PIEZO2: variants seen among roughly 807,000 people sequenced by gnomAD.
PIEZO2 encodes piezo-type mechanosensitive ion channel component 2.
Under a neutral mutation model 337.3 loss-of-function variants are expected in PIEZO2, and 172 were observed. The observed-to-expected ratio is 0.51, with a 90% CI of 0.45 to 0.58. The LOEUF (loss-of-function observed/expected upper bound fraction) is 0.58. Ranked by LOEUF, PIEZO2 falls within the 20% of genes least tolerant of loss-of-function variation. The pLI is 0.00. For synonymous variants in PIEZO2, 1,251 were observed against 1,228.5 expected (o/e 1.02, Z -0.38); for missense variants, 3,028 against 3,391.3 (o/e 0.89, Z 2.66).
intron 5 of PIEZO2, among the ~76,000 whole-genome samples, chr18:10,860,874 A>G (rs1289761989): frequency 6.6e-6 from 1 of 152,212 alleles, no homozygotes; most frequent in East Asian, 1.9e-4. Context: ...TGTGATTTTT[A>G]TAAACATACC....
intron 4 of PIEZO2, among the ~76,000 whole-genome samples, chr18:10,901,549 G>A (rs895309548): frequency 2.0e-5 from 3 of 152,090 alleles, no homozygotes; most frequent in East Asian, 1.9e-4. Flanking sequence ...GGATGGTGGC[G>A]TTCAGAGTTC....
intron 35 of PIEZO2, among the ~76,000 whole-genome samples, chr18:10,732,006 G>C (rs575852362): frequency 1.0e-3 from 154 of 152,302 alleles, no homozygotes; most frequent in African/African-American, 3.5e-3. Flanking sequence ...AATGACTTGA[G>C]AAAGGGATTT....
intron 21 of PIEZO2, among the ~76,000 whole-genome samples, chr18:10,764,387 A>G (rs923747022): frequency 2.0e-5 from 3 of 152,154 alleles, no homozygotes; most frequent in Non-Finnish European, 4.4e-5. Context: ...CACGCCTGTA[A>G]TCCTAGCACT....
Position 10,705,737 on chromosome 18 carries a change from C to G in PIEZO2, c.5598G>C (p.Thr1866=), listed in dbSNP as rs78023192. 638 of 1,525,184 alleles carry G rather than the reference C, an allele frequency of 4.2e-4. 3 individuals carry two copies. In the African/African-American group the frequency reaches 7.4e-3, roughly 18 times the overall value. 94.5% of individuals were successfully genotyped at this position (1,525,184 alleles called of 1,614,324 possible). The change falls in exon 41 of 56, where the codon ACG becomes ACC. Residue 1866 remains threonine, a synonymous_variant. Coordinates refer to ENST00000674853, the MANE Select transcript of PIEZO2 (RefSeq NM_001378183.1). The part of the protein sequence containing the change: ...DSGSLASSEP[T]QCTMLYSRQG... The stretch of plus-strand genomic sequence containing the variant: ...GGCGTGAGTACAGCATGGTACACTG[C>G]GTGGGCTCGCTGTTGGGAGAAAGCG...
intron 33 of PIEZO2, 52 bp downstream of exon 33, chr18:10,740,979 A>C: frequency 1.3e-6 from 2 of 1,503,928 alleles, no homozygotes; most frequent in East Asian, 2.5e-5. Flanking sequence ...ATTCTGGTCA[A>C]GGATATAAGG....
intron 32 of PIEZO2, 125 bp downstream of exon 32, chr18:10,742,369 C>T (rs2144167056): frequency 1.8e-6 from 2 of 1,122,428 alleles, no homozygotes; most frequent in Admixed American, 5.2e-5. Context: ...ATAAAGCTCG[C>T]TGAATCAAAA....
In PIEZO2 at chr18:10,784,193, T is replaced by C. The variant is rs1321051626; in HGVS notation, c.2492+591A>G. Among the ~76,000 whole-genome samples the C allele has an allele frequency of 6.6e-6, 1 of 152,210 alleles. No individual in the cohort carries two copies. Among genetic ancestry groups the C allele is most frequent in the Non-Finnish European group, 1.5e-5 (1 of 68,038 alleles). ...GAATAAATACGGGCAGGAAAAGTAA[T>C]ATCCCATCTGTTATTTGCAAACAAT... is the stretch of plus-strand genomic sequence containing the variant. On this transcript the variant is annotated intron_variant, in intron 17 of 55. Coordinates refer to ENST00000674853, the MANE Select transcript of PIEZO2 (RefSeq NM_001378183.1). This position sits in a 1 kb window ranked among gnomAD's most constrained non-coding sequence, Gnocchi z 4.5.
intron 1 of PIEZO2, among the ~76,000 whole-genome samples, chr18:11,082,615 T>C (rs1396691185): frequency 1.3e-5 from 2 of 152,152 alleles, no homozygotes; most frequent in African/African-American, 4.8e-5. Flanking sequence ...TCACATATTT[T>C]TAAAACTTGG....
rs978329502 is a variant in PIEZO2 at position 10,775,021 on chromosome 18, A to G, written c.2535-983T>C. Among the ~76,000 whole-genome samples the G allele has an allele frequency of 2.0e-5, 3 of 152,218 alleles. No homozygotes were observed. Among genetic ancestry groups the G allele is most frequent in the Non-Finnish European group, 1.5e-5 (1 of 68,038 alleles). On this transcript the variant is annotated intron_variant, in intron 18 of 55. Coordinates refer to ENST00000674853, the MANE Select transcript of PIEZO2 (RefSeq NM_001378183.1). The surrounding 1 kb of genome is among the most constrained non-coding windows in gnomAD (Gnocchi z 4.3). ...GCCTATCATTTTGGGTAACTGTCGT[A>G]AGGAATCCACATTGTCCCTACGCTT...
In PIEZO2 at chr18:10,870,493, A is replaced by C. The variant is rs1167850908; in HGVS notation, c.492+760T>G. ...TTATAAATGTTATCTTTCCACTAAT[A>C]AATCAATTACTCTTTAAACTGATGT... is the stretch of plus-strand genomic sequence containing the variant. On this transcript the variant is annotated intron_variant, in intron 5 of 55. Coordinates refer to ENST00000674853, the MANE Select transcript of PIEZO2 (RefSeq NM_001378183.1). The surrounding 1 kb of genome is among the most constrained non-coding windows in gnomAD (Gnocchi z 5.3). Among the ~76,000 whole-genome samples the C allele has an allele frequency of 6.6e-6, 1 of 152,198 alleles. No homozygotes were observed. Among genetic ancestry groups the C allele is most frequent in the Non-Finnish European group, 1.5e-5 (1 of 68,038 alleles).
In PIEZO2 at chr18:10,824,560, A is replaced by G. The variant is rs2040613525; in HGVS notation, c.918-17286T>C. Among the ~76,000 whole-genome samples, 1 of 152,210 alleles carries G rather than the reference A, an allele frequency of 6.6e-6. No homozygotes were observed. The highest frequency in any genetic ancestry group is 2.4e-5 in the African/African-American group (1 of 41,464). ...AACTTATGACATATATATGTATATT[A>G]TGGAATACTATGCATCCATTTAAAA... On this transcript the variant is annotated intron_variant, in intron 7 of 55. Coordinates refer to ENST00000674853, the MANE Select transcript of PIEZO2 (RefSeq NM_001378183.1). This position sits in a 1 kb window ranked among gnomAD's most constrained non-coding sequence, Gnocchi z 4.4.
rs116455669 is a variant in PIEZO2 at position 11,122,761 on chromosome 18, G to A, written c.64+25764C>T. ...TGGATAAAATTGTCTTCATCCAGAT[G>A]CAGCCAGGATGATCATTCTAACAGG... On this transcript the variant is annotated intron_variant, in intron 1 of 55. Transcript: ENST00000674853. Among the ~76,000 whole-genome samples, 1,028 of 152,210 alleles carry A rather than the reference G, an allele frequency of 6.8e-3. 13 individuals carry two copies. Among genetic ancestry groups the A allele is most frequent in the African/African-American group, 0.023 (960 of 41,560 alleles).
At position 10,761,075 on chromosome 18, in the gene PIEZO2, C is replaced by A; in HGVS notation, c.3286G>T (p.Val1096Phe). Reference sequence around the variant, plus strand: ...TATTCCTGATGGCGGTAAATGGTGACTTCAAAGGCCAGGATAGCCAGCATC... The same window carrying A: ...TATTCCTGATGGCGGTAAATGGTGAATTCAAAGGCCAGGATAGCCAGCATC... Reference protein sequence around the residue: ...LLMLAILAFEVTIYRHQEYYR... With the variant: ...LLMLAILAFEFTIYRHQEYYR... The change falls in exon 24 of 56, where the codon GTC becomes TTC. Residue 1096 changes from valine to phenylalanine, a missense_variant. Around this residue, in one of 5 missense-constraint regions of PIEZO2, gnomAD observed 1,925 missense variants for 2,051.9 expected, o/e 0.94. Coordinates refer to ENST00000674853, the MANE Select transcript of PIEZO2 (RefSeq NM_001378183.1). 1 of 1,537,238 alleles carries A rather than the reference C, an allele frequency of 6.5e-7. No homozygotes were observed.
chr18:10,976,156 A>G (rs2034434455), intron 3 of PIEZO2, among the ~76,000 whole-genome samples: 1 of 152,192 alleles, frequency 6.6e-6, no homozygotes, highest in African/African-American at 2.4e-5. Flanking sequence ...ATATAACTTG[A>G]TCATTAAAAA....
At chr18:10,985,692 A>G (rs1004644751) in intron 2 of PIEZO2, among the ~76,000 whole-genome samples, 2 of 152,036 alleles carry the variant, frequency 1.3e-5, no homozygotes, top group African/African-American at 4.8e-5. Context: ...TTTGTTTTAC[A>G]TAAGACTCAT....
At position 10,703,254 on chromosome 18, in the gene PIEZO2, C is replaced by T. The variant is rs1206221862; in HGVS notation, c.6259-1083G>A. On this transcript the variant is annotated intron_variant, in intron 42 of 55. Transcript: ENST00000674853. ...AAAGGGAATTTGATAAATGTACTCA[C>T]ATTGTTATAGACTGGCACCCATTCC... 2.6e-5 allele frequency among the ~76,000 whole-genome samples: 4 copies of T among 152,204 alleles called. No homozygotes were observed. The East Asian group carries it at 7.7e-4, about 29-fold the overall frequency.
Position 10,850,823 on chromosome 18 carries a change from C to T in PIEZO2, c.917+4530G>A, listed in dbSNP as rs1041474446. Among the ~76,000 whole-genome samples the T allele has an allele frequency of 6.6e-6, 1 of 152,126 alleles. No individual in the cohort carries two copies. The highest frequency in any genetic ancestry group is 6.5e-5 in the Admixed American group (1 of 15,272). ...TATTTATTTCTGGGAATAAGGATTA[C>T]ATTTTAAAGTGTTTTTTCTTATTAT... On this transcript the variant is annotated intron_variant, in intron 7 of 55. Transcript: ENST00000674853. The surrounding 1 kb of genome is among the most constrained non-coding windows in gnomAD (Gnocchi z 4.5).
rs768139453 is a variant in PIEZO2 at position 10,853,182 on chromosome 18, C to A, written c.917+2171G>T. 6.6e-6 allele frequency among the ~76,000 whole-genome samples: 1 copy of A among 152,162 alleles called. No homozygotes were observed. Among genetic ancestry groups the A allele is most frequent in the Non-Finnish European group, 1.5e-5 (1 of 68,028 alleles). Reference sequence around the variant, plus strand: ...ACTCCAGTAAACAGACTACATGCAGCCCCTCCCAAGGGCTGGCAGGCCACT... The same window carrying A: ...ACTCCAGTAAACAGACTACATGCAGACCCTCCCAAGGGCTGGCAGGCCACT... On this transcript the variant is annotated intron_variant, in intron 7 of 55. Coordinates refer to ENST00000674853, the MANE Select transcript of PIEZO2 (RefSeq NM_001378183.1). This position sits in a 1 kb window ranked among gnomAD's most constrained non-coding sequence, Gnocchi z 4.2.
chr18:10,791,059 C>A (rs1044029907), intron 14 of PIEZO2, 142 bp downstream of exon 14: 1 of 995,610 alleles, frequency 1.0e-6, no homozygotes, highest in African/African-American at 1.7e-5. Flanking sequence ...TCAAAAGTCA[C>A]ACGCTGTAAT....
Sources: allele counts gnomAD v4.1 joint callset (sites outside exome capture counted in the v4.1 genomes callset), GRCh38; gene constraint gnomAD v4.1.1; regional missense constraint gnomAD v4.1.1; non-coding constraint Gnocchi (gnomAD v3.1); transcripts MANE v1.5; gene names NCBI Gene and HGNC (gene_info 2026-07-23, HGNC 2026-07-21).